LRRTM4: variants seen among roughly 807,000 people sequenced by gnomAD.
The protein encoded by LRRTM4 is leucine-rich repeat transmembrane neuronal protein 4.
LRRTM4 carries 25 observed loss-of-function variants against 47.6 expected under a neutral mutation model. The observed-to-expected ratio is 0.53, with a 90% CI of 0.38 to 0.73. LRRTM4 has a LOEUF of 0.73. Among genes scored for constraint, LRRTM4 ranks in the 30% least tolerant of loss-of-function variants. The pLI, the probability that LRRTM4 is intolerant of heterozygous loss-of-function variation, is 0.00. For missense variants in LRRTM4, 638 were observed against 713.4 expected (o/e 0.89, Z 1.20); for synonymous variants, 311 against 269.5 (o/e 1.15, Z -1.51).
intron 3 of LRRTM4, among the ~76,000 whole-genome samples, chr2:77,160,050 T>C (rs1428251909): frequency 6.6e-6 from 1 of 152,184 alleles, no homozygotes. Flanking sequence ...TGGTGTGGTG[T>C]CTATTCACTC....
intron 3 of LRRTM4, among the ~76,000 whole-genome samples, chr2:76,928,373 C>T (rs932970509): frequency 6.6e-6 from 1 of 152,058 alleles, no homozygotes; most frequent in Admixed American, 6.6e-5. Context: ...TATGTTTAAA[C>T]AAGTGCAGGA....
At chr2:76,930,176 C>T (rs996613675) in intron 3 of LRRTM4, among the ~76,000 whole-genome samples, 1 of 152,126 alleles carries the variant, frequency 6.6e-6, no homozygotes, top group East Asian at 1.9e-4. Context: ...TTGCCTTGAG[C>T]ACCATCTGTA....
intron 3 of LRRTM4, among the ~76,000 whole-genome samples, chr2:77,250,932 C>T (rs1305479505): frequency 2.6e-5 from 4 of 151,844 alleles, no homozygotes; most frequent in African/African-American, 9.7e-5. Flanking sequence ...GGAGAAACCC[C>T]ATCTCTACTA....
chr2:77,324,280 A>C (rs1670673882), intron 3 of LRRTM4, among the ~76,000 whole-genome samples: 1 of 152,142 alleles, frequency 6.6e-6, no homozygotes, highest in Non-Finnish European at 1.5e-5. Flanking sequence ...AGCAAACATA[A>C]AGCAGATAAG....
chr2:77,268,128 G>A (rs1676097033), intron 3 of LRRTM4, among the ~76,000 whole-genome samples: 1 of 152,010 alleles, frequency 6.6e-6, no homozygotes, highest in East Asian at 1.9e-4. Context: ...ATAAGTCAGT[G>A]ACTTTCTAAT....
At chr2:77,466,845 C>A (rs1025898739) in intron 3 of LRRTM4, among the ~76,000 whole-genome samples, 4 of 151,784 alleles carry the variant, frequency 2.6e-5, no homozygotes, top group Admixed American at 1.3e-4. Context: ...ACTACAGGTG[C>A]CTGCCAACAC....
chr2:77,200,061 C>T (rs1440617177), intron 3 of LRRTM4, among the ~76,000 whole-genome samples: 2 of 151,856 alleles, frequency 1.3e-5, no homozygotes, highest in African/African-American at 2.4e-5. Flanking sequence ...TGTTTTAGAA[C>T]ATTTACTATA....
At chr2:77,049,114 TTCA>T (rs1232873052) in intron 3 of LRRTM4, among the ~76,000 whole-genome samples, 3 of 99,264 alleles carry the variant, frequency 3.0e-5, no homozygotes, top group Non-Finnish European at 5.4e-5. Flanking sequence ...TAAATAATAT[TTCA>T]TTTTTTATAT....
chr2:76,986,316 G>A (rs1184604073), intron 3 of LRRTM4, among the ~76,000 whole-genome samples: 2 of 150,144 alleles, frequency 1.3e-5, no homozygotes, highest in Non-Finnish European at 2.9e-5. Flanking sequence ...AGGAAATTTA[G>A]CACTGTAGAA....
intron 3 of LRRTM4, among the ~76,000 whole-genome samples, chr2:77,094,359 AAG>A (rs1670748684): frequency 1.3e-5 from 2 of 152,120 alleles, no homozygotes; most frequent in Non-Finnish European, 2.9e-5. Context: ...ATAATTTCAG[AAG>A]AGATCTACAG....
chr2:77,046,076 C>A (rs1679225961), intron 3 of LRRTM4, among the ~76,000 whole-genome samples: 1 of 151,910 alleles, frequency 6.6e-6, no homozygotes, highest in South Asian at 2.1e-4. Context: ...ACGTTTGATT[C>A]TTTTTAGTAT....
At chr2:77,325,343 T>C (rs1670721512) in intron 3 of LRRTM4, among the ~76,000 whole-genome samples, 2 of 152,156 alleles carry the variant, frequency 1.3e-5, no homozygotes, top group African/African-American at 4.8e-5. Flanking sequence ...ACTCTCACTG[T>C]GGGTGGAACT....
chr2:77,134,844 A>T (rs1671891087), intron 3 of LRRTM4, among the ~76,000 whole-genome samples: 1 of 152,182 alleles, frequency 6.6e-6, no homozygotes, highest in South Asian at 2.1e-4. Flanking sequence ...AAAAAGACAT[A>T]AATAAATCTT....
intron 3 of LRRTM4, among the ~76,000 whole-genome samples, chr2:77,184,358 GT>G (rs1253521531): frequency 6.6e-6 from 1 of 152,050 alleles, no homozygotes; most frequent in Non-Finnish European, 1.5e-5. Context: ...AGGGAAGGAA[GT>G]GGCAGCAACT....
At chr2:77,348,092 T>G (rs981499756) in intron 3 of LRRTM4, among the ~76,000 whole-genome samples, 2 of 151,706 alleles carry the variant, frequency 1.3e-5, no homozygotes, top group Non-Finnish European at 2.9e-5. Flanking sequence ...GTTTCATAGG[T>G]AGGCCTCTTT....
intron 3 of LRRTM4, among the ~76,000 whole-genome samples, chr2:77,512,185 A>C (rs1679045642): frequency 6.6e-6 from 1 of 152,108 alleles, no homozygotes; most frequent in Non-Finnish European, 1.5e-5. Flanking sequence ...CTTGGCAGTG[A>C]TAGCATTATT....
At chr2:77,487,403 C>A (rs540041778) in intron 3 of LRRTM4, among the ~76,000 whole-genome samples, 50 of 152,358 alleles carry the variant, frequency 3.3e-4, no homozygotes, top group African/African-American at 1.1e-3. Context: ...CTGTCATGAT[C>A]CGGCTGGGTG....
intron 3 of LRRTM4, among the ~76,000 whole-genome samples, chr2:77,485,509 G>A (rs999197941): frequency 6.6e-6 from 1 of 152,174 alleles, no homozygotes; most frequent in Non-Finnish European, 1.5e-5. Flanking sequence ...GTATAATGGG[G>A]TTACCAGGAT....
At chr2:77,410,726 T>C (rs990926776) in intron 3 of LRRTM4, among the ~76,000 whole-genome samples, 1 of 152,208 alleles carries the variant, frequency 6.6e-6, no homozygotes, top group African/African-American at 2.4e-5. Flanking sequence ...CAGGGATGTA[T>C]ATTAAAATCA....
Sources: gnomAD v4.1 joint callset for allele counts (sites outside exome capture counted in the v4.1 genomes callset) on GRCh38, gnomAD v4.1.1 for gene constraint, MANE v1.5 for transcripts, NCBI Gene and HGNC (gene_info 2026-07-23, HGNC 2026-07-21) for gene names.